The following NAA16 variants were observed in gnomAD, a reference collection of about 807,000 sequenced individuals.
The protein encoded by NAA16 is NARG1-like protein.
A neutral mutation model predicts 110.3 loss-of-function variants in NAA16; 97 were observed. That is an observed-to-expected ratio of 0.88 (90% CI 0.75 to 1.04). The LOEUF is 1.04. Among genes scored for constraint, NAA16 ranks in the 50% least tolerant of loss-of-function variants. NAA16 has a pLI of 0.00. For synonymous variants in NAA16, 372 were observed against 330.6 expected (o/e 1.13, Z -1.36); for missense variants, 1,017 against 1,005.1 (o/e 1.01, Z -0.16).
intron 13 of NAA16, among the ~76,000 whole-genome samples, chr13:41,367,027 T>A (rs1387799658): frequency 6.6e-6 from 1 of 152,176 alleles, no homozygotes; most frequent in African/African-American, 2.4e-5. Flanking sequence ...GTCAGATTTG[T>A]AAATATTTAG....
At chr13:41,362,474 C>G (rs961401161) in intron 13 of NAA16, 38 of 349,132 alleles carry the variant, frequency 1.1e-4, no homozygotes, top group Non-Finnish European at 2.0e-4. Context: ...CATCACCACC[C>G]TAAGAGGACA....
At chr13:41,322,951 T>C in intron 4 of NAA16, 105 bp from the exon 5 acceptor site, 1 of 1,028,468 alleles carries the variant, frequency 9.7e-7, no homozygotes, top group Non-Finnish European at 1.5e-6. Flanking sequence ...AACTGATCTT[T>C]GTTGATATAG....
intron 4 of NAA16, among the ~76,000 whole-genome samples, chr13:41,322,113 G>A (rs2041961252): frequency 6.6e-6 from 1 of 152,144 alleles, no homozygotes; most frequent in African/African-American, 2.4e-5. Flanking sequence ...GCTAGGCTTG[G>A]TATTACGTGT....
At chr13:41,314,839 A>T (rs1386814576) in intron 1 of NAA16, among the ~76,000 whole-genome samples, 1 of 152,026 alleles carries the variant, frequency 6.6e-6, no homozygotes, top group African/African-American at 2.4e-5. Flanking sequence ...TAAAAAAATA[A>T]AAAAAAATTT....
intron 6 of NAA16, among the ~76,000 whole-genome samples, chr13:41,328,403 C>T (rs1312646032): frequency 6.6e-6 from 1 of 152,092 alleles, no homozygotes; most frequent in East Asian, 1.9e-4. Context: ...ATTTGCCAAT[C>T]TAATTTTGAT....
At chr13:41,334,086 T>C (rs2042312722) in intron 8 of NAA16, among the ~76,000 whole-genome samples, 1 of 152,168 alleles carries the variant, frequency 6.6e-6, no homozygotes. Flanking sequence ...CAAAGCCGAA[T>C]ATTTCATGAT....
Position 41,331,286 on chromosome 13 carries a change from A to G in NAA16, c.824A>G (p.Glu275Gly). The change falls in exon 8 of 20, where the codon GAG (glutamate) becomes GGG (glycine). Residue 275 changes from glutamate (E) to glycine (G), a missense_variant. Physicochemically the swap from Glu to Gly is moderately conservative, Grantham distance 98. Coordinates refer to ENST00000379406, the MANE Select transcript of NAA16 (RefSeq NM_024561.5). ...EKALQISTLE[E>G]RLQIYEEISK... ...TTACTGATAATAGGCACTTTAGAAG[A>G]GAGGCTTCAAATTTATGAAGAAATT... 6.2e-7 allele frequency: 1 copy of G among 1,608,236 alleles called. No individual in the cohort carries two copies. Among genetic ancestry groups the G allele is most frequent in the South Asian group, 1.1e-5 (1 of 90,120 alleles).
chr13:41,334,052 T>C (rs931511734), intron 8 of NAA16, among the ~76,000 whole-genome samples: 1 of 152,154 alleles, frequency 6.6e-6, no homozygotes, highest in Non-Finnish European at 1.5e-5. Flanking sequence ...TATAAAATTA[T>C]GCAAATACTT....
intron 10 of NAA16, among the ~76,000 whole-genome samples, chr13:41,356,806 A>G (rs980504705): frequency 2.0e-5 from 3 of 152,116 alleles, no homozygotes; most frequent in Admixed American, 6.6e-5. Flanking sequence ...TGCCTTTCTC[A>G]TGGTATCATT....
intron 7 of NAA16, among the ~76,000 whole-genome samples, chr13:41,330,221 A>G (rs1322025079): frequency 1.3e-5 from 2 of 151,806 alleles, no homozygotes; most frequent in Non-Finnish European, 2.9e-5. Flanking sequence ...CCCCCCACAC[A>G]TATCCTTGGT....
intron 5 of NAA16, among the ~76,000 whole-genome samples, chr13:41,323,923 T>A (rs1471386355): frequency 6.6e-6 from 1 of 152,196 alleles, no homozygotes; most frequent in Non-Finnish European, 1.5e-5. Context: ...TGTCATTTCA[T>A]AATCTTGACC....
At chr13:41,318,757 A>G (rs749041120) in intron 2 of NAA16, 49 bp from the exon 3 acceptor site, 2 of 986,892 alleles carry the variant, frequency 2.0e-6, no homozygotes, top group South Asian at 3.8e-5. Context: ...AGAGAATAAG[A>G]GAATAATTTT....
In NAA16 at chr13:41,319,631, C is replaced by A. The variant is rs563610068; in HGVS notation, c.244+721C>A. Among the ~76,000 whole-genome samples, 6 of 152,218 alleles carry A rather than the reference C, an allele frequency of 3.9e-5. No homozygotes were observed. In the East Asian group the frequency reaches 1.2e-3, roughly 29 times the overall value. On this transcript the variant is annotated intron_variant, in intron 3 of 19. Transcript: ENST00000379406. Reference sequence around the variant, plus strand: ...TCTTGGGTTTAAGCGATTCTCCCACCTCAGCCTCCCAGGTAGCTGGGACTA... The same window carrying A: ...TCTTGGGTTTAAGCGATTCTCCCACATCAGCCTCCCAGGTAGCTGGGACTA...
intron 15 of NAA16, among the ~76,000 whole-genome samples, chr13:41,369,723 C>T (rs938324693): frequency 6.6e-6 from 1 of 152,106 alleles, no homozygotes; most frequent in Non-Finnish European, 1.5e-5. Flanking sequence ...AGGACTCAAC[C>T]TGCTGTTGCT....
Position 41,311,366 on chromosome 13 carries a change from G to C in NAA16, c.-163G>C, listed in dbSNP as rs2041548800. The C allele has an allele frequency of 3.1e-6, 2 of 643,630 alleles. No individual in the cohort carries two copies. Among genetic ancestry groups the C allele is most frequent in the Non-Finnish European group, 5.4e-6 (2 of 372,214 alleles). The allele number at this position is 643,630 out of a possible 1,614,324, so 39.9% of individuals were successfully genotyped here. A position where few individuals can be genotyped will look rare whatever the true frequency, so the allele number is the denominator to read the frequency against. ...GCCTTCCTTCTCCATTGCCACCCGT[G>C]CCGAACAGCCAGGCTGCCCAATTGC... On this transcript the variant is annotated 5_prime_UTR_variant, in exon 1 of 20. Coordinates refer to ENST00000379406, the MANE Select transcript of NAA16 (RefSeq NM_024561.5).
Position 41,362,021 on chromosome 13 carries a change from T to A in NAA16, c.1411-10T>A, listed in dbSNP as rs1333480427. ...TTTGCTCTCTATAGTTTTGAATGCT[T>A]CCATTTCAGGAAGGAACATCTGCCA... On this transcript the variant is annotated splice_polypyrimidine_tract_variant and intron_variant, in intron 12 of 19. Coordinates refer to ENST00000379406, the MANE Select transcript of NAA16 (RefSeq NM_024561.5). 9.3e-6 allele frequency: 15 copies of A among 1,610,156 alleles called. No homozygotes were observed. Among genetic ancestry groups the A allele is most frequent in the Non-Finnish European group, 1.2e-5 (14 of 1,178,612 alleles).
Position 41,320,461 on chromosome 13 carries a change from C to G in NAA16, c.245-206C>G, listed in dbSNP as rs74715391. ...TGACCCCTTTCCCATGTGGCCATTACCCAGGTTCAGCAATTTGACAATTAT... is the reference window on the plus strand; with the variant it reads ...TGACCCCTTTCCCATGTGGCCATTAGCCAGGTTCAGCAATTTGACAATTAT... On this transcript the variant is annotated intron_variant, in intron 3 of 19. Transcript: ENST00000379406. Among the ~76,000 whole-genome samples, 588 of 152,228 alleles carry G rather than the reference C, an allele frequency of 3.9e-3. 17 individuals carry two copies. In the East Asian group the frequency reaches 0.093, roughly 24 times the overall value.
At chr13:41,349,972 A>C (rs2042784673) in intron 9 of NAA16, among the ~76,000 whole-genome samples, 1 of 151,310 alleles carries the variant, frequency 6.6e-6, no homozygotes, top group South Asian at 2.1e-4. Flanking sequence ...AAAAAAAAAA[A>C]AAAAGTCAAA....
intron 13 of NAA16, among the ~76,000 whole-genome samples, chr13:41,364,148 T>C (rs9562294): frequency 0.089 from 13,567 of 152,130 alleles, 758 homozygotes; most frequent in East Asian, 0.23. Flanking sequence ...GTCTTAAATA[T>C]TTTAATAAGG....
Sources: allele counts gnomAD v4.1 joint callset (sites outside exome capture counted in the v4.1 genomes callset), GRCh38; gene constraint gnomAD v4.1.1; transcripts MANE v1.5; gene names NCBI Gene and HGNC (gene_info 2026-07-23, HGNC 2026-07-21).